ITGAM: variants seen among roughly 807,000 people sequenced by gnomAD.
ITGAM encodes integrin subunit alpha M.
In ITGAM, 79 loss-of-function variants were observed where a neutral mutation model predicts 137.5. The ratio of observed to expected loss-of-function variants is 0.57; its 90% CI spans 0.48 to 0.69. The LOEUF is 0.69. Among genes scored for constraint, ITGAM ranks in the 30% least tolerant of loss-of-function variants. The pLI is 0.00. For missense variants in ITGAM, 1,343 were observed against 1,483.5 expected (o/e 0.91, Z 1.56); for synonymous variants, 583 against 592.3 (o/e 0.98, Z 0.23).
intron 6 of ITGAM, 151 bp from the exon 7 acceptor site, chr16:31,271,696 A>T (rs1324722208): frequency 3.4e-6 from 3 of 893,138 alleles, no homozygotes; most frequent in East Asian, 5.3e-5. Context: ...AGCTGCTGGC[A>T]GCTCTCCGTC....
At position 31,324,741 on chromosome 16, in the gene ITGAM, C is replaced by G. The variant is rs1411151309; in HGVS notation, c.2248C>G (p.Pro750Ala). ...TPLSAFGNLR[P>A]VLAEDAQRLF... The stretch of plus-strand genomic sequence containing the variant: ...ATTGTCTGCTTTCGGGAACCTCCGG[C>G]CAGTGCTGGCGGAGGATGCTCAGAG... Residue 750 changes from proline (P) to alanine (A), a missense_variant, in exon 18 of 30, where the codon CCA becomes GCA. Pro to Ala is a conservative substitution (Grantham distance 27). Transcript: ENST00000544665. This position sits in a 1 kb window ranked among gnomAD's most constrained non-coding sequence, Gnocchi z 4.5. 1.9e-6 allele frequency: 3 copies of G among 1,589,782 alleles called. No individual in the cohort carries two copies. Among genetic ancestry groups the G allele is most frequent in the Middle Eastern group, 3.4e-4 (2 of 5,928 alleles).
intron 14 of ITGAM, among the ~76,000 whole-genome samples, chr16:31,316,658 T>C (rs1385464265): frequency 6.6e-6 from 1 of 152,202 alleles, no homozygotes; most frequent in African/African-American, 2.4e-5. Context: ...AGAAATGCCA[T>C]TGGGATTTTG....
chr16:31,303,290 G>C (rs2080234163), intron 14 of ITGAM, among the ~76,000 whole-genome samples: 1 of 152,032 alleles, frequency 6.6e-6, no homozygotes, highest in African/African-American at 2.4e-5. Context: ...GCCTCTCAAA[G>C]TGTTAGGATT....
In ITGAM at chr16:31,325,005, C is replaced by A. The variant is rs1225575762; in HGVS notation, c.2337C>A (p.Asp779Glu). 4.3e-6 allele frequency: 7 copies of A among 1,613,162 alleles called. No individual in the cohort carries two copies. Among genetic ancestry groups the A allele is most frequent in the Non-Finnish European group, 5.9e-6 (7 of 1,179,648 alleles). The change falls in exon 19 of 30, where the codon GAC becomes GAA. Residue 779 changes from aspartate to glutamate, a missense_variant. Physicochemically the swap from Asp to Glu is conservative, Grantham distance 45 (BLOSUM62 2). Transcript: ENST00000544665. Reference sequence around the variant, plus strand: ...GCAATGACAACATCTGCCAGGATGACCTCAGCATCACCTTCAGTTTCATGA... The same window carrying A: ...GCAATGACAACATCTGCCAGGATGAACTCAGCATCACCTTCAGTTTCATGA... ...NCGNDNICQD[D>E]LSITFSFMSL... is the part of the protein sequence containing the mutation.
chr16:31,267,652 C>G (rs1482655615), intron 5 of ITGAM, among the ~76,000 whole-genome samples: 3 of 151,752 alleles, frequency 2.0e-5, no homozygotes, highest in Non-Finnish European at 4.4e-5. Context: ...ACCTATCTTT[C>G]TTTTTTCTTT....
At chr16:31,318,247 T>C (rs1225891008) in intron 14 of ITGAM, among the ~76,000 whole-genome samples, 1 of 152,156 alleles carries the variant, frequency 6.6e-6, no homozygotes, top group Non-Finnish European at 1.5e-5. Context: ...TTTATTGCTA[T>C]GGCATCAGTT....
At chr16:31,281,360 T>G (rs955604554) in intron 12 of ITGAM, among the ~76,000 whole-genome samples, 2 of 152,200 alleles carry the variant, frequency 1.3e-5, no homozygotes, top group Non-Finnish European at 2.9e-5. Flanking sequence ...GGACTTTTTT[T>G]GGTTGGTAGG....
chr16:31,324,845 C>A lies in ITGAM; in HGVS notation c.2289+63C>A. 6.4e-7 allele frequency: 1 copy of A among 1,555,718 alleles called. No homozygotes were observed. Among genetic ancestry groups the A allele is most frequent in the African/African-American group, 1.4e-5 (1 of 72,934 alleles). ...AGACCAGAGACCAAGGTGGTTGAAACTCATTTTATTTGATTGCATCTAATT... is the reference window on the plus strand; with the variant it reads ...AGACCAGAGACCAAGGTGGTTGAAAATCATTTTATTTGATTGCATCTAATT... On this transcript the variant is annotated intron_variant, in intron 18 of 29. Transcript: ENST00000544665. This position sits in a 1 kb window ranked among gnomAD's most constrained non-coding sequence, Gnocchi z 4.5.
chr16:31,331,467 C>CTTG (rs60662530), intron 29 of ITGAM, 169 bp from the exon 30 acceptor site: 314,942 of 654,360 alleles, frequency 0.48, 81,856 homozygotes, highest in East Asian at 0.76. Context: ...AGTCGCCCTC[C>CTTG]TTGTAGTTTC....
chr16:31,302,459 CT>C (rs1330739766), intron 14 of ITGAM, among the ~76,000 whole-genome samples: 384 of 82,750 alleles, frequency 4.6e-3, no homozygotes, highest in East Asian at 0.013. Context: ...TTCTTCCTTC[CT>C]TTCTTTCTTT....
At chr16:31,296,527 T>C (rs1384325567) in intron 12 of ITGAM, among the ~76,000 whole-genome samples, 1 of 152,246 alleles carries the variant, frequency 6.6e-6, no homozygotes, top group Non-Finnish European at 1.5e-5. Context: ...AATCAAATTC[T>C]GTTGACTTTA....
chr16:31,331,575 G>T lies in ITGAM; in HGVS notation c.3388-61G>T, dbSNP rs1312682706. On this transcript the variant is annotated intron_variant, in intron 29 of 29. Coordinates refer to ENST00000544665, the MANE Select transcript of ITGAM (RefSeq NM_000632.4). Reference sequence around the variant, plus strand: ...CCGGCCCTCCCGCCCCCTCCCCCTGGTCTGCGGAGCCGCACGCTCCCTGGC... The same window carrying T: ...CCGGCCCTCCCGCCCCCTCCCCCTGTTCTGCGGAGCCGCACGCTCCCTGGC... The T allele has an allele frequency of 4.5e-6, 5 of 1,110,264 alleles. No individual in the cohort carries two copies. In the African/African-American group the frequency reaches 8.1e-5, roughly 18 times the overall value. 68.8% of individuals were successfully genotyped at this position (1,110,264 alleles called of 1,614,324 possible). A position where few individuals can be genotyped will look rare whatever the true frequency, so the allele number is the denominator to read the frequency against.
At position 31,261,694 on chromosome 16, in the gene ITGAM, T is replaced by C; in HGVS notation, c.31T>C (p.Leu11=). Residue 11 remains leucine (L), a splice_region_variant and synonymous_variant, in exon 2 of 30, where the codon TTG becomes CTG. Transcript: ENST00000544665. MALRVLLLTA[L]TLCHGFNLDT... is the part of the protein sequence containing the mutation. ...TCCTTCCCCCATTCTCCCTTTAGCC[T>C]TGACCTTATGTCATGGGTTCAACTT... 1 of 1,606,992 alleles carries C rather than the reference T, an allele frequency of 6.2e-7. No individual in the cohort carries two copies. The highest frequency in any genetic ancestry group is 1.3e-5 in the African/African-American group (1 of 74,792).
chr16:31,274,860 T>A (rs2079889314), intron 8 of ITGAM, among the ~76,000 whole-genome samples: 1 of 152,182 alleles, frequency 6.6e-6, no homozygotes, highest in Admixed American at 6.5e-5. Context: ...TCTCAAGTGA[T>A]CTGCCCGCCT....
intron 12 of ITGAM, among the ~76,000 whole-genome samples, chr16:31,284,115 G>T (rs1002735328): frequency 2.0e-5 from 3 of 152,200 alleles, no homozygotes; most frequent in Non-Finnish European, 4.4e-5. Flanking sequence ...GCACCCAGCC[G>T]TATGAGGTGT....
In ITGAM at chr16:31,265,468, A is replaced by G; in HGVS notation, c.208A>G (p.Thr70Ala). The change falls in exon 3 of 30, where the codon ACA becomes GCA. Residue 70 changes from threonine (T) to alanine (A), a missense_variant. Thr to Ala is a moderately conservative substitution (Grantham distance 58). Transcript: ENST00000544665. Reference protein sequence around the residue: ...RGSLYQCDYSTGSCEPIRLQV... With the variant: ...RGSLYQCDYSAGSCEPIRLQV... Reference sequence around the variant, plus strand: ...CAGCCTCTACCAGTGCGACTACAGCACAGGCTCATGCGAGCCCATCCGCCT... The same window carrying G: ...CAGCCTCTACCAGTGCGACTACAGCGCAGGCTCATGCGAGCCCATCCGCCT... 1 of 1,605,530 alleles carries G rather than the reference A, an allele frequency of 6.2e-7. No individual in the cohort carries two copies. The highest frequency in any genetic ancestry group is 8.5e-7 in the Non-Finnish European group (1 of 1,176,304).
chr16:31,275,473 T>C lies in ITGAM; in HGVS notation c.859-76T>C. On this transcript the variant is annotated intron_variant, in intron 8 of 29. Coordinates refer to ENST00000544665, the MANE Select transcript of ITGAM (RefSeq NM_000632.4). ...CTTGATAAATAATGGTTCAGACTAG[T>C]TTCCTGCAGAATTGTCTTTGCCAGA... 2.1e-6 allele frequency: 3 copies of C among 1,456,942 alleles called. No homozygotes were observed. In the South Asian group the frequency reaches 3.6e-5, roughly 18 times the overall value. The allele number at this position is 1,456,942 out of a possible 1,614,324, so 90.3% of individuals were successfully genotyped here. A position where few individuals can be genotyped will look rare whatever the true frequency, so the allele number is the denominator to read the frequency against.
intron 10 of ITGAM, 44 bp downstream of exon 10, chr16:31,276,788 G>A: frequency 3.2e-6 from 5 of 1,574,176 alleles, no homozygotes; most frequent in Non-Finnish European, 4.3e-6. Context: ...GCAGGGGGTA[G>A]CAAGAAGAGA....
intron 14 of ITGAM, among the ~76,000 whole-genome samples, chr16:31,307,394 G>A (rs2080276225): frequency 6.6e-6 from 1 of 151,954 alleles, no homozygotes; most frequent in Admixed American, 6.6e-5. Context: ...TATATATTTT[G>A]TTCTCTTTGA....
Sources: gnomAD v4.1 joint callset for allele counts (sites outside exome capture counted in the v4.1 genomes callset) on GRCh38, gnomAD v4.1.1 for gene constraint, Gnocchi (gnomAD v3.1) non-coding constraint, MANE v1.5 for transcripts, NCBI Gene and HGNC (gene_info 2026-07-23, HGNC 2026-07-21) for gene names.